Variants in ATP2B3 observed in about 807,000 individuals in gnomAD.
ATP2B3 encodes plasma membrane calcium-transporting ATPase 3.
ATP2B3 carries 12 observed loss-of-function variants against 70.8 expected under a neutral mutation model. That is an observed-to-expected ratio of 0.17 (90% CI 0.11 to 0.27). ATP2B3 has a LOEUF of 0.27. Ranked by LOEUF, ATP2B3 falls within the 10% of genes least tolerant of loss-of-function variation. The pLI is 1.00. For missense variants in ATP2B3, 858 were observed against 1,118.5 expected, an observed-to-expected ratio of 0.77 and a Z score of 3.32; for synonymous variants, 460 against 497.8, an observed-to-expected ratio of 0.92 and a Z score of 1.01.
chrX:153,552,857 C>A (rs149552700), intron 12 of ATP2B3, among the ~76,000 whole-genome samples, 178 bp from the exon 13 acceptor site: 1,286 of 112,267 alleles, frequency 0.011, 23 homozygotes, highest in African/African-American at 0.04. Flanking sequence ...AGCTGACCCT[C>A]TCTAATCTCT....
chrX:153,542,732 G>T (rs1557007222), intron 6 of ATP2B3, among the ~76,000 whole-genome samples: 1 of 113,267 alleles, frequency 8.8e-6, no homozygotes, highest in Non-Finnish European at 1.9e-5. Context: ...ACAGCGCTGT[G>T]CTTCTCTCAA....
At chrX:153,575,019 G>C in intron 21 of ATP2B3, 1 of 255,209 alleles carries the variant, frequency 3.9e-6, no homozygotes, top group Admixed American at 4.1e-5. Flanking sequence ...CAAACTGCCC[G>C]GGACAGCCTC....
rs1248033978 is a variant in ATP2B3 at position 153,542,346 on chromosome X, G to A, written c.688G>A (p.Val230Met). 43 of 1,210,098 alleles carry A rather than the reference G, an allele frequency of 3.6e-5. No homozygotes were observed. The highest frequency in any genetic ancestry group is 4.5e-5 in the Non-Finnish European group (40 of 895,287). The change falls in exon 6 of 22, where the codon GTG becomes ATG. Residue 230 changes from valine to methionine, a missense_variant. Physicochemically the swap from Val to Met is conservative, Grantham distance 21. Coordinates refer to ENST00000263519, the MANE Select transcript of ATP2B3 (RefSeq NM_001001344.3). ...KYGDLLPADG[V>M]LIQANDLKID... The stretch of plus-strand genomic sequence containing the variant: ...AGGCGACCTGCTGCCAGCCGACGGC[G>A]TGCTCATCCAGGCCAATGACCTCAA...
At chrX:153,526,019 C>T (rs781850282) in intron 2 of ATP2B3, among the ~76,000 whole-genome samples, 14 of 113,089 alleles carry the variant, frequency 1.2e-4, no homozygotes, top group Admixed American at 4.6e-4. Flanking sequence ...TGGCCCTCTG[C>T]GCCCCATCCA....
chrX:153,548,348 G>A (rs1459390759), intron 9 of ATP2B3, among the ~76,000 whole-genome samples: 1 of 110,941 alleles, frequency 9.0e-6, no homozygotes, highest in East Asian at 2.9e-4. Flanking sequence ...TGCAGTGGGG[G>A]ATTGACTCTT....
intron 17 of ATP2B3, among the ~76,000 whole-genome samples, chrX:153,558,582 C>A (rs910984974): frequency 8.9e-6 from 1 of 112,077 alleles, no homozygotes; most frequent in Non-Finnish European, 1.9e-5. Flanking sequence ...CCCCATTTCT[C>A]CCCCAAACAT....
intron 2 of ATP2B3, among the ~76,000 whole-genome samples, chrX:153,532,039 C>G (rs2090125835): frequency 8.9e-6 from 1 of 111,950 alleles, no homozygotes; most frequent in South Asian, 3.7e-4. Context: ...TGACCCACCT[C>G]AAGTCACATG....
At chrX:153,519,639 C>T (rs1392686581) in intron 2 of ATP2B3, among the ~76,000 whole-genome samples, 2 of 112,779 alleles carry the variant, frequency 1.8e-5, no homozygotes, top group African/African-American at 6.4e-5. Context: ...GCCATCGGAA[C>T]GGGCTGGGAA....
chrX:153,543,249 C>T, intron 7 of ATP2B3, 81 bp downstream of exon 7: 2 of 1,117,348 alleles, frequency 1.8e-6, no homozygotes, highest in Non-Finnish European at 2.4e-6. Context: ...GGGCCGGTGC[C>T]ACTGGGGGCT....
intron 17 of ATP2B3, among the ~76,000 whole-genome samples, chrX:153,558,805 A>C (rs1170294461): frequency 4.5e-5 from 5 of 111,916 alleles, no homozygotes; most frequent in African/African-American, 1.3e-4. Context: ...CTGCCACATT[A>C]TGTATGTCTG....
intron 21 of ATP2B3, among the ~76,000 whole-genome samples, chrX:153,578,732 G>C (rs2090887428): frequency 8.9e-6 from 1 of 112,499 alleles, no homozygotes; most frequent in African/African-American, 3.2e-5. Context: ...AAACTCCTGT[G>C]GGGAGGGATG....
At chrX:153,564,234 G>A (rs892195976) in intron 20 of ATP2B3, among the ~76,000 whole-genome samples, 18 of 112,978 alleles carry the variant, frequency 1.6e-4, no homozygotes, top group African/African-American at 3.5e-4. Context: ...GGGGAGTTGC[G>A]CAAACAGCGC....
intron 20 of ATP2B3, among the ~76,000 whole-genome samples, chrX:153,564,239 CAG>C (rs1160229202): frequency 8.8e-6 from 1 of 113,039 alleles, no homozygotes; most frequent in East Asian, 2.8e-4. Context: ...GTTGCGCAAA[CAG>C]CGCCTGTGTC....
At chrX:153,518,175 C>T (rs2089904821) in intron 1 of ATP2B3, among the ~76,000 whole-genome samples, 1 of 112,893 alleles carries the variant, frequency 8.9e-6, no homozygotes, top group South Asian at 3.5e-4. Context: ...TTGGGGGCTG[C>T]GGGCCGGGGC....
chrX:153,538,767 C>T (rs1557005220), intron 3 of ATP2B3, among the ~76,000 whole-genome samples: 1 of 113,152 alleles, frequency 8.8e-6, no homozygotes, highest in Non-Finnish European at 1.9e-5. Context: ...AGAGGGGCCG[C>T]AGCTGTGTTC....
intron 21 of ATP2B3, among the ~76,000 whole-genome samples, chrX:153,575,881 C>T (rs1458504575): frequency 1.8e-5 from 2 of 110,363 alleles, no homozygotes; most frequent in African/African-American, 6.6e-5. Context: ...CTCTCAGGGC[C>T]ATCAGCCATG....
intron 2 of ATP2B3, among the ~76,000 whole-genome samples, chrX:153,525,068 C>T (rs1556999257): frequency 1.8e-5 from 2 of 112,077 alleles, no homozygotes; most frequent in Non-Finnish European, 3.8e-5. Flanking sequence ...GATAGCCAGA[C>T]GGCCCTGGGA....
Position 153,548,691 on chromosome X carries a change from T to G in ATP2B3, c.1175T>G (p.Ile392Ser), listed in dbSNP as rs191762680. ...TVIILVLYFV[I>S]ETFVVEGRTW... Reference sequence around the variant, plus strand: ...ATCATCCTGGTCCTCTACTTTGTGATTGAGACGTTTGTCGTGGAAGGCCGG... The same window carrying G: ...ATCATCCTGGTCCTCTACTTTGTGAGTGAGACGTTTGTCGTGGAAGGCCGG... The change falls in exon 10 of 22, where the codon ATT becomes AGT. Residue 392 changes from isoleucine to serine, a missense_variant. Coordinates refer to ENST00000263519, the MANE Select transcript of ATP2B3 (RefSeq NM_001001344.3). 8.3e-7 allele frequency: 1 copy of G among 1,209,582 alleles called. No individual in the cohort carries two copies. The highest frequency in any genetic ancestry group is 3.0e-5 in the East Asian group (1 of 33,700).
Position 153,536,418 on chromosome X carries a change from C to T in ATP2B3, c.171C>T (p.Ser57=), listed in dbSNP as rs1244211389. 7.5e-6 allele frequency: 9 copies of T among 1,201,071 alleles called. No homozygotes were observed. The highest frequency in any genetic ancestry group is 6.0e-5 in the East Asian group (2 of 33,515). The change falls in exon 3 of 22, where the codon AGC becomes AGT. Residue 57 remains serine (S), a synonymous_variant. Transcript: ENST00000263519. ...QKIEEAYGDV[S]GLCRRLKTSP... ...TCGAGGAGGCCTACGGGGATGTCAG[C>T]GGGCTCTGCCGGAGGCTGAAGACCT... is the stretch of plus-strand genomic sequence containing the variant.
Sources: allele counts gnomAD v4.1 joint callset (sites outside exome capture counted in the v4.1 genomes callset), GRCh38; gene constraint gnomAD v4.1.1; transcripts MANE v1.5; gene names NCBI Gene and HGNC (gene_info 2026-07-23, HGNC 2026-07-21).